ZNF608: variants seen among roughly 807,000 people sequenced by gnomAD.
ZNF608 encodes the protein zinc finger protein 608.
ZNF608 carries 12 observed loss-of-function variants against 109.0 expected under a neutral mutation model. The observed-to-expected ratio is 0.11, with a 90% CI of 0.07 to 0.18. The LOEUF (loss-of-function observed/expected upper bound fraction) is 0.18, where lower values mean the gene tolerates loss of function less well. ZNF608 is among the 10% of genes least tolerant of loss of function. The pLI is 1.00. For missense variants in ZNF608, 1,707 were observed against 1,879.3 expected (o/e 0.91, Z 1.70); for synonymous variants, 732 against 717.4 (o/e 1.02, Z -0.33).
intron 2 of ZNF608, among the ~76,000 whole-genome samples, chr5:124,719,788 G>C (rs548599024): frequency 3.3e-5 from 5 of 152,194 alleles, no homozygotes; most frequent in Non-Finnish European, 2.9e-5. Flanking sequence ...CCTGGAGAGA[G>C]AGTCCATACA....
chr5:124,709,712 T>C (rs912130003), intron 2 of ZNF608, among the ~76,000 whole-genome samples: 16 of 152,234 alleles, frequency 1.1e-4, no homozygotes, highest in African/African-American at 3.4e-4. Flanking sequence ...GTGCTTTAAA[T>C]AGTGGCAGTA....
rs763707632 is a variant in ZNF608, at chr5:124,701,185, G to A, written c.991C>T (p.Pro331Ser). The change falls in exon 3 of 10, where the codon CCA (proline) becomes TCA (serine). Residue 331 changes from proline (P) to serine (S), a missense_variant. Pro to Ser is a moderately conservative substitution (Grantham distance 74, BLOSUM62 -1). Coordinates refer to ENST00000513986, the MANE Select transcript of ZNF608 (RefSeq NM_020747.3). Reference sequence around the variant, plus strand: ...GGTGCTGCAATATTGGATGAAGATGGGGAAAAGTAGGAGGGTAGAATCTGA... The same window carrying A: ...GGTGCTGCAATATTGGATGAAGATGAGGAAAAGTAGGAGGGTAGAATCTGA... ...TPQILPSYFS[P>S]SSSNIAAPVE... The A allele has an allele frequency of 1.9e-6, 3 of 1,614,126 alleles. No homozygotes were observed. Among genetic ancestry groups the A allele is most frequent in the East Asian group, 2.2e-5 (1 of 44,882 alleles).
intron 2 of ZNF608, among the ~76,000 whole-genome samples, chr5:124,702,252 C>T (rs548633216): frequency 6.6e-6 from 1 of 152,282 alleles, no homozygotes; most frequent in Admixed American, 6.5e-5. Flanking sequence ...GTGAAAATGC[C>T]ACACACAAAG....
intron 2 of ZNF608, among the ~76,000 whole-genome samples, chr5:124,733,221 T>C (rs944242020): frequency 7.4e-5 from 11 of 148,454 alleles, no homozygotes; most frequent in Non-Finnish European, 6.0e-5. Flanking sequence ...CTCTCTCTTT[T>C]TTTTTTTTTT....
intron 3 of ZNF608, among the ~76,000 whole-genome samples, chr5:124,652,714 T>C (rs1750846031): frequency 6.6e-6 from 1 of 152,254 alleles, no homozygotes; most frequent in Admixed American, 6.5e-5. Flanking sequence ...TTCTAAAACT[T>C]GTAAATGATT....
chr5:124,694,015 G>A lies in ZNF608; in HGVS notation c.1162+6999C>T, dbSNP rs752106980. Among the ~76,000 whole-genome samples, 119 of 96,276 alleles carry A rather than the reference G, an allele frequency of 1.2e-3. 1 individual carries two copies. The highest frequency in any genetic ancestry group is 2.9e-3 in the Admixed American group (20 of 7,002). 63.2% of individuals were successfully genotyped at this position (96,276 alleles called of 152,430 possible). On this transcript the variant is annotated intron_variant, in intron 3 of 9. Transcript: ENST00000513986. ...TTTTGAGAGAGAGTCTCGCTCTGTT[G>A]CCCAGGCTAGAGTGCAGTGGCGCGA...
At chr5:124,748,327 G>A (rs1256863794), upstream of ZNF608, among the ~76,000 whole-genome samples, 1 of 152,114 alleles carries the variant, frequency 6.6e-6, no homozygotes, top group East Asian at 1.9e-4. Flanking sequence ...AAGTTACCCC[G>A]AGTGCCCAGT....
intron 2 of ZNF608, chr5:124,710,205 T>C (rs1753432810): frequency 2.2e-6 from 1 of 455,872 alleles, no homozygotes; most frequent in Non-Finnish European, 4.4e-6. Flanking sequence ...GACATGATTT[T>C]AAGAAGAAAG....
chr5:124,664,709 A>G (rs1751405644), intron 3 of ZNF608, among the ~76,000 whole-genome samples: 1 of 152,210 alleles, frequency 6.6e-6, no homozygotes, highest in Non-Finnish European at 1.5e-5. Context: ...CTGACTTCTG[A>G]TACCATACTT....
intron 3 of ZNF608, among the ~76,000 whole-genome samples, chr5:124,668,818 A>C (rs920982424): frequency 1.3e-5 from 2 of 152,174 alleles, no homozygotes; most frequent in Non-Finnish European, 2.9e-5. Context: ...TTAAGACAAG[A>C]CTTCCTTGAG....
chr5:124,661,040 ACTT>A (rs1751236340), intron 3 of ZNF608, among the ~76,000 whole-genome samples: 1 of 152,092 alleles, frequency 6.6e-6, no homozygotes, highest in African/African-American at 2.4e-5. Context: ...AACCTGAGGG[ACTT>A]CTTTTATTAT....
chr5:124,666,144 C>A (rs945984134), intron 3 of ZNF608: 1 of 152,154 alleles, frequency 6.6e-6, no homozygotes, highest in Non-Finnish European at 1.5e-5. Context: ...ATTCACTGAA[C>A]GTAAATCTTA....
Position 124,744,403 on chromosome 5 carries a change from T to A in ZNF608, c.587A>T (p.Gln196Leu), listed in dbSNP as rs1428663022. The A allele has an allele frequency of 6.2e-7, 1 of 1,614,154 alleles. No homozygotes were observed. Among genetic ancestry groups the A allele is most frequent in the African/African-American group, 1.3e-5 (1 of 74,956 alleles). ...ATCCCGCTTGGCGCCTCGGCTGCTC[T>A]GGCTTTTACCTGGCTTCTCCTCTTT... is the stretch of plus-strand genomic sequence containing the variant. Reference protein sequence around the residue: ...KSKEEKPGKSQSSRGAKRDKD... With the variant: ...KSKEEKPGKSLSSRGAKRDKD... Residue 196 changes from glutamine to leucine, a missense_variant, in exon 2 of 10, where the codon CAG (glutamine) becomes CTG (leucine). By Grantham distance (113) the Gln-to-Leu change is moderately radical. Coordinates refer to ENST00000513986, the MANE Select transcript of ZNF608 (RefSeq NM_020747.3). The surrounding 1 kb of genome is among the most constrained non-coding windows in gnomAD (Gnocchi z 4.5).
chr5:124,694,142 A>ATTTT (rs11320730), intron 3 of ZNF608, among the ~76,000 whole-genome samples: 24 of 63,934 alleles, frequency 3.8e-4, no homozygotes, highest in South Asian at 9.9e-4. Flanking sequence ...CGCTCGGCTA[A>ATTTT]TTTTTTTTTT....
chr5:124,732,349 T>G (rs1748945721), intron 2 of ZNF608, among the ~76,000 whole-genome samples: 1 of 152,090 alleles, frequency 6.6e-6, no homozygotes, highest in South Asian at 2.1e-4. Context: ...AGGGTTTCAC[T>G]CCCAAGATTA....
At chr5:124,741,626 G>A (rs1024278265) in intron 2 of ZNF608, among the ~76,000 whole-genome samples, 1 of 152,066 alleles carries the variant, frequency 6.6e-6, no homozygotes, top group African/African-American at 2.4e-5. Context: ...GAAGCTTCTG[G>A]TCCTACTAAA....
Position 124,744,718 on chromosome 5 carries a change from G to C in ZNF608, c.272C>G (p.Ser91Cys). The C allele has an allele frequency of 6.2e-7, 1 of 1,614,176 alleles. No homozygotes were observed. Among genetic ancestry groups the C allele is most frequent in the South Asian group, 1.1e-5 (1 of 91,078 alleles). Residue 91 changes from serine to cysteine, a missense_variant, in exon 2 of 10, where the codon TCT becomes TGT. Ser to Cys is a moderately radical substitution (Grantham distance 112, BLOSUM62 -1). Around this residue, in one of 7 missense-constraint regions of ZNF608, gnomAD observed 407 missense variants for 398.7 expected, o/e 1.02. Transcript: ENST00000513986. This position sits in a 1 kb window ranked among gnomAD's most constrained non-coding sequence, Gnocchi z 4.5. ...DGLKFASVQA[S>C]APQGNSHKET... ...TTTGTGTGAATTCCCCTGGGGAGCA[G>C]AGGCCTGAACAGAAGCAAATTTTAG...
chr5:124,668,750 C>T (rs149522724), intron 3 of ZNF608, among the ~76,000 whole-genome samples: 5 of 152,212 alleles, frequency 3.3e-5, no homozygotes, highest in African/African-American at 1.2e-4. Flanking sequence ...GGGAATTTTG[C>T]CCCAGTAAGA....
intron 2 of ZNF608, among the ~76,000 whole-genome samples, chr5:124,726,395 G>A (rs1180328627): frequency 2.0e-5 from 3 of 152,048 alleles, no homozygotes; most frequent in African/African-American, 7.2e-5. Flanking sequence ...TATCAAAAAT[G>A]AGTCACAACT....
Sources: allele counts gnomAD v4.1 joint callset (sites outside exome capture counted in the v4.1 genomes callset), GRCh38; gene constraint gnomAD v4.1.1; regional missense constraint gnomAD v4.1.1; non-coding constraint Gnocchi (gnomAD v3.1); transcripts MANE v1.5; gene names NCBI Gene and HGNC (gene_info 2026-07-23, HGNC 2026-07-21).